UBR3: variants seen among roughly 807,000 people sequenced by gnomAD.
The protein encoded by UBR3 is E3 ubiquitin-protein ligase UBR3.
In UBR3, 85 loss-of-function variants were observed where a neutral mutation model predicts 243.2. The ratio of observed to expected loss-of-function variants is 0.35; its 90% CI spans 0.29 to 0.42. The LOEUF is 0.42. Among genes scored for constraint, UBR3 ranks in the 10% least tolerant of loss-of-function variants. The pLI is 1.00. For missense variants in UBR3, 1,686 were observed against 2,300.8 expected (o/e 0.73, Z 5.47); for synonymous variants, 748 against 799.8 (o/e 0.94, Z 1.09).
At chr2:169,836,242 C>T (rs1469964729) in intron 1 of UBR3, among the ~76,000 whole-genome samples, 2 of 150,696 alleles carry the variant, frequency 1.3e-5, no homozygotes, top group East Asian at 3.9e-4. Flanking sequence ...CGCCACCATG[C>T]CTAGCTAATT....
intron 1 of UBR3, among the ~76,000 whole-genome samples, chr2:169,848,651 T>C (rs1167942056): frequency 6.6e-6 from 1 of 152,054 alleles, no homozygotes; most frequent in Non-Finnish European, 1.5e-5. Flanking sequence ...ACACCTGTTA[T>C]ATATATGAGT....
At chr2:169,831,320 T>A (rs950125795) in intron 1 of UBR3, among the ~76,000 whole-genome samples, 3 of 148,968 alleles carry the variant, frequency 2.0e-5, no homozygotes, top group Non-Finnish European at 3.0e-5. Flanking sequence ...TTTTTTTTTC[T>A]TGTGTTTTTA....
At chr2:169,845,492 TTCGTCGTCATCG>T (rs139369615) in intron 1 of UBR3, among the ~76,000 whole-genome samples, 47,575 of 123,098 alleles carry the variant, frequency 0.39, 9,701 homozygotes, top group Middle Eastern at 0.47. Context: ...CCTTTCCCTC[TTCGTCGTCATCG>T]TCGTCGTCGT....
chr2:170,066,741 C>T (rs1010940979), intron 35 of UBR3, among the ~76,000 whole-genome samples: 4 of 151,924 alleles, frequency 2.6e-5, no homozygotes, highest in African/African-American at 7.2e-5. Flanking sequence ...CTGAGGTGGG[C>T]GATCACAAGG....
chr2:169,837,578 G>A (rs2082149369), intron 1 of UBR3, among the ~76,000 whole-genome samples: 1 of 152,314 alleles, frequency 6.6e-6, no homozygotes, highest in African/African-American at 2.4e-5. Flanking sequence ...CTTAGGAAAC[G>A]TAGAATCATG....
At chr2:169,832,450 T>C (rs1471934292) in intron 1 of UBR3, among the ~76,000 whole-genome samples, 1 of 151,968 alleles carries the variant, frequency 6.6e-6, no homozygotes, top group African/African-American at 2.4e-5. Flanking sequence ...CTCGGGAGGC[T>C]GAGGCAGGAG....
chr2:169,946,719 T>G (rs1212314959), intron 21 of UBR3, among the ~76,000 whole-genome samples: 2 of 152,144 alleles, frequency 1.3e-5, no homozygotes, highest in Non-Finnish European at 2.9e-5. Flanking sequence ...AATGCATTTT[T>G]GGTGTTATGC....
At chr2:169,847,499 C>G (rs1392318174) in intron 1 of UBR3, among the ~76,000 whole-genome samples, 3 of 152,074 alleles carry the variant, frequency 2.0e-5, no homozygotes, top group Non-Finnish European at 4.4e-5. Context: ...AGCCTTTATC[C>G]TATTGTTGTC....
intron 19 of UBR3, among the ~76,000 whole-genome samples, chr2:169,933,697 T>C (rs1332107686): frequency 6.6e-6 from 1 of 152,210 alleles, no homozygotes; most frequent in Non-Finnish European, 1.5e-5. Flanking sequence ...ATGATGCAAA[T>C]GTCCTTGATT....
intron 4 of UBR3, 126 bp from the exon 5 acceptor site, chr2:169,878,399 T>C (rs1249030457): frequency 9.8e-6 from 8 of 818,928 alleles, no homozygotes; most frequent in Non-Finnish European, 1.5e-5. Flanking sequence ...CCAAGATAAC[T>C]GTTAGAATGA....
At chr2:169,849,958 C>A (rs1254344024) in intron 1 of UBR3, among the ~76,000 whole-genome samples, 1 of 151,972 alleles carries the variant, frequency 6.6e-6, no homozygotes, top group Admixed American at 6.6e-5. Flanking sequence ...ACTGCTGATA[C>A]CTTTGTGGGC....
intron 6 of UBR3, 119 bp downstream of exon 6, chr2:169,891,350 A>G: frequency 1.6e-6 from 1 of 631,884 alleles, no homozygotes; most frequent in East Asian, 2.9e-5. Flanking sequence ...AGGGAGGCTT[A>G]TGTTATTAGA....
chr2:169,989,631 T>A (rs1321236901), intron 25 of UBR3, among the ~76,000 whole-genome samples: 1 of 152,168 alleles, frequency 6.6e-6, no homozygotes, highest in African/African-American at 2.4e-5. Flanking sequence ...CATCACCTAT[T>A]TTTTGTTGCT....
At chr2:169,965,978 TAATCA>T (rs545039791) in intron 24 of UBR3, among the ~76,000 whole-genome samples, 198 of 152,300 alleles carry the variant, frequency 1.3e-3, no homozygotes, top group African/African-American at 4.6e-3. Flanking sequence ...ATAAATCCTC[TAATCA>T]AATATAGTAC....
Position 169,906,015 on chromosome 2 carries a change from C to T in UBR3, c.1646-16C>T. The T allele has an allele frequency of 6.5e-7, 1 of 1,548,176 alleles. No individual in the cohort carries two copies. Among genetic ancestry groups the T allele is most frequent in the Admixed American group, 2.0e-5 (1 of 49,944 alleles). ...TTCCACTTGACAAGGTTTATATCTG[C>T]TTTAATTTTTGCCAGGTATGAACTT... On this transcript the variant is annotated splice_polypyrimidine_tract_variant and intron_variant, in intron 9 of 38. Transcript: ENST00000272793.
At chr2:170,062,637 G>A (rs1036725069) in intron 35 of UBR3, among the ~76,000 whole-genome samples, 3 of 152,176 alleles carry the variant, frequency 2.0e-5, no homozygotes, top group Admixed American at 1.3e-4. Context: ...ATGGAGAAGA[G>A]TAACCAAACA....
chr2:169,920,349 G>C (rs1330003167), intron 11 of UBR3, among the ~76,000 whole-genome samples: 2 of 152,102 alleles, frequency 1.3e-5, no homozygotes, highest in African/African-American at 4.8e-5. Context: ...ACAGCATTAG[G>C]AGATATACCT....
chr2:169,904,345 C>T (rs562544187), intron 8 of UBR3, among the ~76,000 whole-genome samples: 1 of 152,202 alleles, frequency 6.6e-6, no homozygotes, highest in African/African-American at 2.4e-5. Context: ...GAGCTATGAG[C>T]CTTGAGCATT....
chr2:169,969,929 G>A (rs2088021846), intron 24 of UBR3, among the ~76,000 whole-genome samples: 1 of 124,206 alleles, frequency 8.1e-6, no homozygotes, highest in Non-Finnish European at 1.6e-5. Flanking sequence ...GAAGTATGAT[G>A]CCTCCAGCTT....
Sources: allele counts gnomAD v4.1 joint callset (sites outside exome capture counted in the v4.1 genomes callset), GRCh38; gene constraint gnomAD v4.1.1; transcripts MANE v1.5; gene names NCBI Gene and HGNC (gene_info 2026-07-23, HGNC 2026-07-21).